The following CFAP69 variants were observed in gnomAD, a reference collection of about 807,000 sequenced individuals.
The protein encoded by CFAP69 is cilia- and flagella-associated protein 69.
A neutral mutation model predicts 123.0 loss-of-function variants in CFAP69; 92 were observed. That is an observed-to-expected ratio of 0.75 (90% CI 0.63 to 0.89). CFAP69 has a LOEUF of 0.89. Ranked by LOEUF, CFAP69 falls within the 40% of genes least tolerant of loss-of-function variation. CFAP69 has a pLI of 0.00. For synonymous variants in CFAP69, 380 were observed against 364.3 expected, an observed-to-expected ratio of 1.04 and a Z score of -0.49; for missense variants, 1,067 against 1,096.9, an observed-to-expected ratio of 0.97 and a Z score of 0.39.
rs201108666 is a variant in CFAP69 at position 90,271,592 on chromosome 7, T to C, written c.599T>C (p.Met200Thr). Residue 200 changes from methionine to threonine, a missense_variant, in exon 7 of 23, where the codon ATG becomes ACG. Transcript: ENST00000389297. ...GAAGTTGGAGGATTAGCAAAAACAA[T>C]GGTCCAGTCAATGACCTTGCTTGAA... is the stretch of plus-strand genomic sequence containing the variant. Reference protein sequence around the residue: ...MAEVGGLAKTMVQSMTLLENQ... With the variant: ...MAEVGGLAKTTVQSMTLLENQ... The C allele has an allele frequency of 6.1e-5, 98 of 1,613,420 alleles. No homozygotes were observed. Among genetic ancestry groups the C allele is most frequent in the Non-Finnish European group, 7.8e-5 (92 of 1,179,690 alleles).
chr7:90,288,223 A>G lies in CFAP69; in HGVS notation c.1657-11A>G. The stretch of plus-strand genomic sequence containing the variant: ...TTTCAAGAAATAATTTAAAACAAAT[A>G]TCTTAAACAGGAAATTTTCGGAACT... On this transcript the variant is annotated splice_polypyrimidine_tract_variant and intron_variant, in intron 14 of 22. Coordinates refer to ENST00000389297, the MANE Select transcript of CFAP69 (RefSeq NM_001039706.3). The G allele has an allele frequency of 6.3e-7, 1 of 1,591,096 alleles. No individual in the cohort carries two copies. Among genetic ancestry groups the G allele is most frequent in the Non-Finnish European group, 8.6e-7 (1 of 1,161,612 alleles).
chr7:90,266,706 A>T (rs1799211521), intron 5 of CFAP69, among the ~76,000 whole-genome samples: 2 of 151,976 alleles, frequency 1.3e-5, no homozygotes, highest in Admixed American at 1.3e-4. Context: ...TCCTTCGCTG[A>T]TTACTGACTG....
chr7:90,288,378 G>A (rs753309643), intron 15 of CFAP69, 26 bp downstream of exon 15: 8 of 1,598,280 alleles, frequency 5.0e-6, no homozygotes, highest in African/African-American at 1.3e-5. Context: ...ATCAAATTAG[G>A]TAGACTCACA....
chr7:90,288,403 C>T, intron 15 of CFAP69, 51 bp downstream of exon 15: 1 of 1,566,636 alleles, frequency 6.4e-7, no homozygotes, highest in Non-Finnish European at 8.7e-7. Flanking sequence ...TCATGCATCA[C>T]TTTACAACAG....
rs569518973 is a variant in CFAP69, at chr7:90,245,469, C to A, written c.45C>A (p.Ser15=). 6 of 1,552,852 alleles carry A rather than the reference C, an allele frequency of 3.9e-6. No individual in the cohort carries two copies. The East Asian group carries it at 1.6e-4, about 40-fold the overall frequency. The change falls in exon 1 of 23, where the codon TCC becomes TCA. Residue 15 remains serine, a synonymous_variant. Coordinates refer to ENST00000389297, the MANE Select transcript of CFAP69 (RefSeq NM_001039706.3). ...EAGATAEAQE[S]GIRNKSSSSS... The stretch of plus-strand genomic sequence containing the variant: ...GGGCGACCGCCGAGGCCCAGGAATC[C>A]GGCATCAGGAACAAGTCTAGCAGTT...
In CFAP69 at chr7:90,304,734, T is replaced by G. The variant is rs1309871613; in HGVS notation, c.2189-10T>G. 1 of 1,600,430 alleles carries G rather than the reference T, an allele frequency of 6.2e-7. No homozygotes were observed. Among genetic ancestry groups the G allele is most frequent in the Non-Finnish European group, 8.5e-7 (1 of 1,174,876 alleles). On this transcript the variant is annotated splice_polypyrimidine_tract_variant and intron_variant, in intron 18 of 22. Coordinates refer to ENST00000389297, the MANE Select transcript of CFAP69 (RefSeq NM_001039706.3). ...CTAAAGTAATTCTGTCTTTATAAAC[T>G]TTATTTTAGATTTTGAAAATTTACC...
Position 90,261,948 on chromosome 7 carries a change from C to A in CFAP69, c.248C>A (p.Pro83Gln). The change falls in exon 4 of 23, where the codon CCA (proline) becomes CAA (glutamine). Residue 83 changes from proline to glutamine, a missense_variant and splice_region_variant. Pro to Gln is a moderately conservative substitution (Grantham distance 76). Coordinates refer to ENST00000389297, the MANE Select transcript of CFAP69 (RefSeq NM_001039706.3). ...KLVQCYQNGL[P>Q]LRDLAQIFKI... ...ATTTCTTAACTAAAAATATTAAAGC[C>A]ATTAAGGGATTTAGCACAGATATTT... is the stretch of plus-strand genomic sequence containing the variant. The A allele has an allele frequency of 6.7e-7, 1 of 1,483,036 alleles. No homozygotes were observed. Among genetic ancestry groups the A allele is most frequent in the Non-Finnish European group, 9.2e-7 (1 of 1,087,658 alleles). The allele number at this position is 1,483,036 out of a possible 1,614,324, so 91.9% of individuals were successfully genotyped here.
chr7:90,319,426 C>G, the CFAP69 span: 3 of 398,576 alleles, frequency 7.5e-6, no homozygotes, highest in Non-Finnish European at 1.3e-5. Context: ...TCCATGAGAT[C>G]TTGAAAGCAA....
At chr7:90,304,625 G>T in intron 18 of CFAP69, 119 bp from the exon 19 acceptor site, 1 of 1,453,482 alleles carries the variant, frequency 6.9e-7, no homozygotes, top group South Asian at 1.4e-5. Context: ...AAGTAACTTT[G>T]CATTTGTTTT....
chr7:90,279,620 G>A (rs940601939), intron 11 of CFAP69, 57 bp from the exon 12 acceptor site: 3 of 1,011,284 alleles, frequency 3.0e-6, no homozygotes, highest in African/African-American at 3.3e-5. Context: ...TTATTTAATT[G>A]CCTTAAAGTA....
At chr7:90,268,521 G>T in intron 6 of CFAP69, 137 bp downstream of exon 6, 1 of 581,466 alleles carries the variant, frequency 1.7e-6, no homozygotes. Flanking sequence ...GTAGTCTTGA[G>T]CTCTTTGGTC....
At chr7:90,304,646 GATAGATAGATAGATAGA>G in intron 18 of CFAP69, 81 bp from the exon 19 acceptor site, 3 of 387,242 alleles carry the variant, frequency 7.7e-6, no homozygotes, top group Middle Eastern at 1.0e-3. Context: ...TAGATAGGTA[GATAGATAGATAGATAGA>G]TAGATAGATA....
chr7:90,251,461 T>A lies in CFAP69; in HGVS notation c.121-3962T>A, dbSNP rs947088683. Among the ~76,000 whole-genome samples, 3 of 152,250 alleles carry A rather than the reference T, an allele frequency of 2.0e-5. No individual in the cohort carries two copies. The East Asian group carries it at 5.8e-4, about 29-fold the overall frequency. On this transcript the variant is annotated intron_variant, in intron 1 of 22. Coordinates refer to ENST00000389297, the MANE Select transcript of CFAP69 (RefSeq NM_001039706.3). ...GTCATTGGCCAAATCCTGACTTTTC[T>A]GAGCCAATTGCAGCAGAGGTTGTTG...
At chr7:90,253,483 C>T (rs1379274237) in intron 1 of CFAP69, among the ~76,000 whole-genome samples, 6 of 152,200 alleles carry the variant, frequency 3.9e-5, no homozygotes, top group East Asian at 3.9e-4. Context: ...CTCCACCTCC[C>T]GGGTTCAAGC....
Position 90,307,083 on chromosome 7 carries a change from A to G in CFAP69, c.2448A>G (p.Gln816=). The change falls in exon 20 of 23, where the codon CAA becomes CAG. Residue 816 remains glutamine (Q), a synonymous_variant. Coordinates refer to ENST00000389297, the MANE Select transcript of CFAP69 (RefSeq NM_001039706.3). The part of the protein sequence containing the change: ...SQACQDMQNE[Q]KVYAKIQATH... ...CATGCCAAGACATGCAAAATGAACA[A>G]AAAGTATATGCAAAAGTAAGCTACA... 1 of 1,610,608 alleles carries G rather than the reference A, an allele frequency of 6.2e-7. No homozygotes were observed. Among genetic ancestry groups the G allele is most frequent in the South Asian group, 1.1e-5 (1 of 90,328 alleles).
At position 90,282,923 on chromosome 7, in the gene CFAP69, T is replaced by A; in HGVS notation, c.1404T>A (p.His468Gln). Residue 468 changes from histidine to glutamine, a missense_variant, in exon 13 of 23, where the codon CAT becomes CAA. His to Gln is a conservative substitution (Grantham distance 24). Coordinates refer to ENST00000389297, the MANE Select transcript of CFAP69 (RefSeq NM_001039706.3). The stretch of plus-strand genomic sequence containing the variant: ...TTTTCAGTCATGGTAACAGTTTTCA[T>A]GGTACAGGTGGCCGAGGCAACAAGT... ...DPFFSHGNSF[H>Q]GTGGRGNKFA... 1 of 1,558,032 alleles carries A rather than the reference T, an allele frequency of 6.4e-7. No individual in the cohort carries two copies. Among genetic ancestry groups the A allele is most frequent in the African/African-American group, 1.4e-5 (1 of 72,386 alleles).
intron 9 of CFAP69, among the ~76,000 whole-genome samples, chr7:90,274,499 T>C (rs1473058752): frequency 6.6e-6 from 1 of 152,204 alleles, no homozygotes; most frequent in Non-Finnish European, 1.5e-5. Context: ...ATTTAATTCA[T>C]CTTAATTCTT....
intron 12 of CFAP69, among the ~76,000 whole-genome samples, chr7:90,282,641 T>A (rs779536948): frequency 5.3e-5 from 8 of 152,194 alleles, no homozygotes; most frequent in Non-Finnish European, 8.8e-5. Flanking sequence ...AATAAACATG[T>A]TGAATAACAG....
rs766513982 is a variant in CFAP69 at position 90,299,909 on chromosome 7, G to T, written c.1900G>T (p.Val634Phe). The change falls in exon 17 of 23, where the codon GTT (valine) becomes TTT (phenylalanine). Residue 634 changes from valine to phenylalanine, a missense_variant. Transcript: ENST00000389297. The part of the protein sequence containing the change: ...KFCNLILGIM[V>F]EFCDNPKTAA... ...CTGTAATCTAATACTTGGAATAATGGTTGAATTTTGTGATAATCCCAAAAC... is the reference window on the plus strand; with the variant it reads ...CTGTAATCTAATACTTGGAATAATGTTTGAATTTTGTGATAATCCCAAAAC... 1.9e-6 allele frequency: 3 copies of T among 1,609,020 alleles called. No individual in the cohort carries two copies. The highest frequency in any genetic ancestry group is 1.1e-5 in the South Asian group (1 of 90,322).
Sources: allele counts gnomAD v4.1 joint callset (sites outside exome capture counted in the v4.1 genomes callset), GRCh38; gene constraint gnomAD v4.1.1; transcripts MANE v1.5; gene names NCBI Gene and HGNC (gene_info 2026-07-23, HGNC 2026-07-21).